Variants in LOC122539214 observed in about 807,000 individuals in gnomAD.
chr19:52,685,203 G>C, the LOC122539214 span, among the ~76,000 whole-genome samples: 2 of 152,128 alleles, frequency 1.3e-5, no homozygotes, highest in Non-Finnish European at 2.9e-5. Flanking sequence ...GGGTCACTCA[G>C]GGTGAGCTTT....
chr19:52,685,160 C>A, the LOC122539214 span, among the ~76,000 whole-genome samples: 66 of 152,310 alleles, frequency 4.3e-4, no homozygotes, highest in African/African-American at 1.5e-3. Flanking sequence ...CACCCAGACA[C>A]CCACTCTATT....
chr19:52,664,287 A>G, the LOC122539214 span, among the ~76,000 whole-genome samples: 5 of 151,478 alleles, frequency 3.3e-5, no homozygotes, highest in African/African-American at 1.2e-4. Context: ...CTTAAGCCCT[A>G]GAGTTCGAGA....
chr19:52,686,882 A>G, the LOC122539214 span, among the ~76,000 whole-genome samples: 13,703 of 151,988 alleles, frequency 0.09, 962 homozygotes, highest in African/African-American at 0.2. Context: ...TTTGATGTCC[A>G]TTTTAGAAAG....
the LOC122539214 span, among the ~76,000 whole-genome samples, chr19:52,679,308 T>C: frequency 6.6e-6 from 1 of 152,088 alleles, no homozygotes; most frequent in Non-Finnish European, 1.5e-5. Flanking sequence ...GCTTCTATGA[T>C]GCTCCTCAAA....
the LOC122539214 span, among the ~76,000 whole-genome samples, chr19:52,672,619 G>A: frequency 5.3e-5 from 8 of 152,160 alleles, no homozygotes; most frequent in Admixed American, 5.2e-4. Context: ...TTATTTTTGA[G>A]ATTGAGTTTG....
the LOC122539214 span, among the ~76,000 whole-genome samples, chr19:52,665,261 C>T: frequency 6.6e-6 from 1 of 152,030 alleles, no homozygotes; most frequent in Non-Finnish European, 1.5e-5. Context: ...TGCTTAAACA[C>T]AGCAGGGATG....
At chr19:52,680,714 G>T in the LOC122539214 span, among the ~76,000 whole-genome samples, 4 of 135,122 alleles carry the variant, frequency 3.0e-5, no homozygotes, top group Admixed American at 7.7e-5. Context: ...CCGGGTTCAC[G>T]CCATTCTCCT....
At chr19:52,658,227 C>A in the LOC122539214 span, among the ~76,000 whole-genome samples, 2 of 151,798 alleles carry the variant, frequency 1.3e-5, no homozygotes, top group Non-Finnish European at 2.9e-5. Context: ...TAACAGGACA[C>A]CATCAAGGAC....
chr19:52,663,913 A>G, the LOC122539214 span, among the ~76,000 whole-genome samples: 1 of 152,204 alleles, frequency 6.6e-6, no homozygotes, highest in African/African-American at 2.4e-5. Context: ...ATTGAGACGG[A>G]GTCTCGCTCT....
At chr19:52,676,741 A>AG in the LOC122539214 span, among the ~76,000 whole-genome samples, 1 of 139,776 alleles carries the variant, frequency 7.2e-6, no homozygotes, top group African/African-American at 2.7e-5. Context: ...TCTGTGTAGA[A>AG]AGAAGTAGAC....
chr19:52,655,562 C>T, the LOC122539214 span: 3 of 1,496,294 alleles, frequency 2.0e-6, no homozygotes, highest in Non-Finnish European at 2.8e-6. Flanking sequence ...TTTCCTCACC[C>T]ACAGACTCCA....
At chr19:52,664,689 G>A in the LOC122539214 span, among the ~76,000 whole-genome samples, 1 of 150,158 alleles carries the variant, frequency 6.7e-6, no homozygotes, top group Non-Finnish European at 1.5e-5. Flanking sequence ...AGGAAGGGAT[G>A]CAGATTAAGT....
At chr19:52,661,248 C>T in the LOC122539214 span, among the ~76,000 whole-genome samples, 1 of 152,152 alleles carries the variant, frequency 6.6e-6, no homozygotes, top group African/African-American at 2.4e-5. Context: ...AGACTGTCCT[C>T]TACTGCCCAC....
the LOC122539214 span, chr19:52,654,221 G>A: frequency 6.3e-7 from 1 of 1,585,536 alleles, no homozygotes; most frequent in Non-Finnish European, 8.6e-7. Context: ...GGTGCTTCAT[G>A]GCCATTTCTT....
chr19:52,655,080 G>A, the LOC122539214 span: 1 of 153,598 alleles, frequency 6.5e-6, no homozygotes, highest in Non-Finnish European at 1.4e-5. Flanking sequence ...CAGTTAGGTT[G>A]GGAGGCTGAG....
chr19:52,677,913 T>A, the LOC122539214 span, among the ~76,000 whole-genome samples: 1 of 151,830 alleles, frequency 6.6e-6, no homozygotes, highest in Non-Finnish European at 1.5e-5. Context: ...CACGTGCCCA[T>A]CATCCCAGCT....
At chr19:52,666,618 CAAAAA>C in the LOC122539214 span, among the ~76,000 whole-genome samples, 1,740 of 105,790 alleles carry the variant, frequency 0.016, 33 homozygotes, top group African/African-American at 0.054. Context: ...TATCCTAAGT[CAAAAA>C]AAAAAAAAAA....
the LOC122539214 span, among the ~76,000 whole-genome samples, chr19:52,671,561 AC>A: frequency 1.3e-5 from 2 of 151,740 alleles, no homozygotes; most frequent in Non-Finnish European, 2.9e-5. Context: ...CTCCCGCCAC[AC>A]CTCCCAACTA....
chr19:52,669,125 G>C, the LOC122539214 span, among the ~76,000 whole-genome samples: 2 of 152,148 alleles, frequency 1.3e-5, no homozygotes, highest in Non-Finnish European at 2.9e-5. Context: ...ACCTTTACTG[G>C]ACACTTTACT....
Sources: gnomAD v4.1 joint callset for allele counts (sites outside exome capture counted in the v4.1 genomes callset) on GRCh38, gnomAD v4.1.1 for gene constraint, MANE v1.5 for transcripts.